WDR33: variants seen among roughly 807,000 people sequenced by gnomAD.
The protein encoded by WDR33 is pre-mRNA 3' end processing protein WDR33.
Under a neutral mutation model 164.9 loss-of-function variants are expected in WDR33, and 47 were observed. That is an observed-to-expected ratio of 0.29 (90% confidence interval 0.23 to 0.36). The LOEUF is 0.36. WDR33 is among the 10% of genes least tolerant of loss of function. WDR33 has a pLI of 1.00. For missense variants in WDR33, 1,137 were observed against 1,754.1 expected (o/e 0.65, Z 6.28); for synonymous variants, 505 against 589.0 (o/e 0.86, Z 2.06).
intron 1 of WDR33, among the ~76,000 whole-genome samples, chr2:127,808,758 C>T (rs1037492376): frequency 6.6e-6 from 1 of 152,028 alleles, no homozygotes; most frequent in Non-Finnish European, 1.5e-5. Context: ...TGGCCAGGTG[C>T]GGTGGCTCAC....
At chr2:127,760,857 C>A (rs1490463463) in intron 7 of WDR33, among the ~76,000 whole-genome samples, 1 of 152,146 alleles carries the variant, frequency 6.6e-6, no homozygotes, top group East Asian at 1.9e-4. Flanking sequence ...TACCTTTGTA[C>A]ATGTTTGAAA....
chr2:127,780,757 A>T (rs1490565466), intron 1 of WDR33, among the ~76,000 whole-genome samples: 1 of 152,174 alleles, frequency 6.6e-6, no homozygotes, highest in East Asian at 1.9e-4. Context: ...GGATCCCTTG[A>T]GCCCAGGAGT....
chr2:127,809,325 G>GTAT (rs1204334182), intron 1 of WDR33, among the ~76,000 whole-genome samples: 1 of 149,486 alleles, frequency 6.7e-6, no homozygotes, highest in African/African-American at 2.5e-5. Context: ...AATCTGTTTA[G>GTAT]TATTTTTCAC....
intron 1 of WDR33, among the ~76,000 whole-genome samples, chr2:127,773,373 C>A (rs1688073063): frequency 1.3e-5 from 2 of 151,912 alleles, no homozygotes; most frequent in Non-Finnish European, 2.9e-5. Context: ...TCAGCCTTGT[C>A]ACGTTGGTCC....
At chr2:127,810,933 G>GC (rs1689629943) in intron 1 of WDR33, 79 bp downstream of exon 1, 1 of 152,836 alleles carries the variant, frequency 6.5e-6, no homozygotes, top group Non-Finnish European at 1.5e-5. Context: ...CCCAAAGCAC[G>GC]CAACGGCCGA....
At chr2:127,795,102 CTTTTTTT>C (rs552910693) in intron 1 of WDR33, among the ~76,000 whole-genome samples, 1 of 131,138 alleles carries the variant, frequency 7.6e-6, no homozygotes, top group Admixed American at 7.8e-5. Flanking sequence ...AATAACTTCT[CTTTTTTT>C]TTTTTTTTTG....
In WDR33 at chr2:127,724,008, G is replaced by T. The variant is rs1330517700; in HGVS notation, c.1196+325C>A. Among the ~76,000 whole-genome samples the T allele has an allele frequency of 6.6e-6, 1 of 152,060 alleles. No individual in the cohort carries two copies. The highest frequency in any genetic ancestry group is 1.5e-5 in the Non-Finnish European group (1 of 68,016). On this transcript the variant is annotated intron_variant, in intron 11 of 21. Coordinates refer to ENST00000322313, the MANE Select transcript of WDR33 (RefSeq NM_018383.5). The surrounding 1 kb of genome is among the most constrained non-coding windows in gnomAD (Gnocchi z 4.8). ...AGGAGGATCACCTGAGCCCAGGAAG[G>T]TTGAGGCTATAGTGAGCTGAGACCG...
chr2:127,755,467 A>G (rs1687491710), intron 7 of WDR33, among the ~76,000 whole-genome samples: 1 of 152,210 alleles, frequency 6.6e-6, no homozygotes, highest in African/African-American at 2.4e-5. Flanking sequence ...GGTTGCCTGT[A>G]TTGTTCTGGC....
intron 1 of WDR33, among the ~76,000 whole-genome samples, chr2:127,779,325 G>A (rs1361786659): frequency 6.6e-6 from 1 of 152,038 alleles, no homozygotes; most frequent in African/African-American, 2.4e-5. Flanking sequence ...AATTAGCTAG[G>A]TGTGGTGGCG....
chr2:127,804,713 G>A (rs893597790), intron 1 of WDR33, among the ~76,000 whole-genome samples: 3 of 152,064 alleles, frequency 2.0e-5, no homozygotes, highest in African/African-American at 7.2e-5. Flanking sequence ...ACGAAAGGGG[G>A]AAAGCAAAAG....
chr2:127,779,461 G>A (rs574422778), intron 1 of WDR33, among the ~76,000 whole-genome samples: 8 of 151,376 alleles, frequency 5.3e-5, no homozygotes, highest in East Asian at 3.9e-4. Context: ...GCGAGACTCC[G>A]TTTCAAAAAA....
intron 1 of WDR33, among the ~76,000 whole-genome samples, chr2:127,802,024 T>G (rs1689268215): frequency 6.6e-6 from 1 of 151,082 alleles, no homozygotes; most frequent in African/African-American, 2.4e-5. Flanking sequence ...CTACTAAAAA[T>G]ACAAAAATTA....
At chr2:127,779,389 C>T (rs1268768909) in intron 1 of WDR33, among the ~76,000 whole-genome samples, 4 of 152,032 alleles carry the variant, frequency 2.6e-5, no homozygotes, top group African/African-American at 2.4e-5. Context: ...TAGCTTGAAA[C>T]TCAGAGGCAG....
chr2:127,711,780 A>ATATATATATATATTTTTTTTTTTTTTTTT, intron 18 of WDR33, among the ~76,000 whole-genome samples: 1 of 88,308 alleles, frequency 1.1e-5, no homozygotes. Context: ...ATATATATAT[A>ATATATATATATATTTTTTTTTTTTTTTTT]TTTTTTTTTT....
chr2:127,719,903 G>T lies in WDR33; in HGVS notation c.2122C>A (p.Gln708Lys). 6.2e-7 allele frequency: 1 copy of T among 1,613,920 alleles called. No individual in the cohort carries two copies. ...SSGPQGHMGP[Q>K]GPPGPQGHIG... is the part of the protein sequence containing the mutation. ...TGACCCTGTGGGCCAGGTGGACCCT[G>T]AGGACCCATATGACCTTGAGGACCA... The change falls in exon 16 of 22, where the codon CAG (glutamine) becomes AAG (lysine). Residue 708 changes from glutamine to lysine, a missense_variant. Physicochemically the swap from Gln to Lys is moderately conservative, Grantham distance 53. Around this residue, in one of 9 missense-constraint regions of WDR33, gnomAD observed 867 missense variants for 1,073.0 expected, o/e 0.81. Transcript: ENST00000322313. The surrounding 1 kb of genome is among the most constrained non-coding windows in gnomAD (Gnocchi z 6.5).
At chr2:127,786,303 G>C (rs1688568098) in intron 1 of WDR33, among the ~76,000 whole-genome samples, 2 of 152,298 alleles carry the variant, frequency 1.3e-5, no homozygotes, top group East Asian at 3.9e-4. Context: ...CCAAAGTGCT[G>C]TGATGACAGG....
chr2:127,750,660 AAAAAAAAAAAAAAAAAAATATATAT>A (rs1480659074), intron 7 of WDR33, among the ~76,000 whole-genome samples: 2 of 63,038 alleles, frequency 3.2e-5, no homozygotes, highest in African/African-American at 1.7e-4. Context: ...TAAAAAAAAA[AAAAAAAAAAAAAAAAAAATATATAT>A]ATATATATAT....
intron 1 of WDR33, among the ~76,000 whole-genome samples, chr2:127,783,407 G>C (rs1037069838): frequency 6.6e-6 from 1 of 152,088 alleles, no homozygotes; most frequent in Non-Finnish European, 1.5e-5. Flanking sequence ...TTTCAGTGGA[G>C]ACTAATGTCA....
chr2:127,729,993 C>A (rs1686663947), intron 7 of WDR33, among the ~76,000 whole-genome samples: 1 of 152,164 alleles, frequency 6.6e-6, no homozygotes, highest in Non-Finnish European at 1.5e-5. Context: ...AAAATGCATA[C>A]CATGTGTGTC....
Sources: allele counts gnomAD v4.1 joint callset (sites outside exome capture counted in the v4.1 genomes callset), GRCh38; gene constraint gnomAD v4.1.1; regional missense constraint gnomAD v4.1.1; non-coding constraint Gnocchi (gnomAD v3.1); transcripts MANE v1.5; gene names NCBI Gene and HGNC (gene_info 2026-07-23, HGNC 2026-07-21).